Variants in NOX4 observed in about 807,000 individuals in gnomAD.
NOX4 encodes NADPH oxidase 4, also known as kidney oxidase-1.
In NOX4, 69 loss-of-function variants were observed where a neutral mutation model predicts 87.6. That is an observed-to-expected ratio of 0.79 (90% CI 0.65 to 0.96). The LOEUF (loss-of-function observed/expected upper bound fraction) is 0.96, where lower values mean the gene tolerates loss of function less well. Ranked by LOEUF, NOX4 falls within the 40% of genes least tolerant of loss-of-function variation. The pLI, the probability that NOX4 is intolerant of heterozygous loss-of-function variation, is 0.00. For synonymous variants in NOX4, 275 were observed against 238.2 expected (o/e 1.15, Z -1.42); for missense variants, 680 against 681.5 (o/e 1.00, Z 0.02).
chr11:89,580,456 G>A, the NOX4 span, among the ~76,000 whole-genome samples: 1 of 152,136 alleles, frequency 6.6e-6, no homozygotes, highest in Non-Finnish European at 1.5e-5. Flanking sequence ...TGCAAGTATT[G>A]CATGAGTGAG....
intron 12 of NOX4, among the ~76,000 whole-genome samples, chr11:89,360,731 C>G (rs1421142807): frequency 6.6e-6 from 1 of 151,862 alleles, no homozygotes; most frequent in Admixed American, 6.6e-5. Flanking sequence ...CCAGAATCTA[C>G]AAGGAATTAA....
chr11:89,587,706 G>A, the NOX4 span, among the ~76,000 whole-genome samples: 1 of 151,926 alleles, frequency 6.6e-6, no homozygotes. Flanking sequence ...AGTTAAAAAT[G>A]GTTTATGTGT....
chr11:89,362,095 T>TC (rs1310377668), intron 12 of NOX4, among the ~76,000 whole-genome samples: 7 of 151,828 alleles, frequency 4.6e-5, no homozygotes, highest in African/African-American at 1.7e-4. Context: ...AATTCTTCCT[T>TC]CCCCCAAACC....
chr11:89,511,176 A>G, the NOX4 span, among the ~76,000 whole-genome samples: 2 of 152,022 alleles, frequency 1.3e-5, no homozygotes, highest in Non-Finnish European at 2.9e-5. Context: ...TGATCTATGC[A>G]TACATCATTA....
At chr11:89,368,250 G>C (rs1939165286) in intron 12 of NOX4, among the ~76,000 whole-genome samples, 1 of 151,884 alleles carries the variant, frequency 6.6e-6, no homozygotes, top group Non-Finnish European at 1.5e-5. Context: ...AAACTTCTTA[G>C]AATTTGTCCA....
chr11:89,404,396 T>G lies in NOX4; in HGVS notation c.630-1854A>C, dbSNP rs542792224. On this transcript the variant is annotated intron_variant, in intron 8 of 17. Coordinates refer to ENST00000263317, the MANE Select transcript of NOX4 (RefSeq NM_016931.5). ...TTCTTCAGACTTCAACAGAGTCAAA[T>G]CCGCCTCCTAACACTCCAGAAACTC... Among the ~76,000 whole-genome samples the G allele has an allele frequency of 1.7e-4, 26 of 152,210 alleles. No individual in the cohort carries two copies. The East Asian group carries it at 5.0e-3, about 29-fold the overall frequency.
intron 13 of NOX4, among the ~76,000 whole-genome samples, chr11:89,350,291 A>T (rs1434043310): frequency 1.3e-5 from 2 of 152,206 alleles, no homozygotes; most frequent in Admixed American, 6.5e-5. Context: ...TCCTTTAAAC[A>T]TATACATACA....
In NOX4 at chr11:89,428,812, A is replaced by T. The variant is rs184521128; in HGVS notation, c.548+3972T>A. Among the ~76,000 whole-genome samples the T allele has an allele frequency of 7.6e-4, 116 of 152,336 alleles. No homozygotes were observed. In the East Asian group the frequency reaches 0.022, roughly 29 times the overall value. ...TCAACATTAGACAGATCAACGAGAC[A>T]GAAAGTTAACAAGGATATCCAGGAA... On this transcript the variant is annotated intron_variant, in intron 7 of 17. Transcript: ENST00000263317.
chr11:89,373,027 C>T (rs866731829), intron 12 of NOX4, among the ~76,000 whole-genome samples: 2 of 151,676 alleles, frequency 1.3e-5, no homozygotes, highest in Middle Eastern at 3.2e-3. Context: ...TGGAACACCA[C>T]AAAAAATGTC....
intron 2 of NOX4, among the ~76,000 whole-genome samples, chr11:89,464,244 C>T (rs1945586008): frequency 6.6e-6 from 1 of 152,062 alleles, no homozygotes; most frequent in South Asian, 2.1e-4. Context: ...ATAAATAGAG[C>T]TTATTTTAAC....
chr11:89,382,779 T>G (rs540364783), intron 11 of NOX4, among the ~76,000 whole-genome samples: 10 of 152,052 alleles, frequency 6.6e-5, no homozygotes, highest in African/African-American at 2.4e-4. Flanking sequence ...TGACTAGCCC[T>G]CCCCCACCTG....
chr11:89,402,510 G>A lies in NOX4; in HGVS notation c.662C>T (p.Thr221Ile), dbSNP rs2135188161. ...GLLKYQTNLDTHPPGCISLNR... is the reference protein window; with the variant it reads ...GLLKYQTNLDIHPPGCISLNR... ...AAGACTGATGCAGCCGGGAGGGTGG[G>A]TATCTAAATTAGTTTGATACTTCAG... The change falls in exon 9 of 18, where the codon ACC (threonine) becomes ATC (isoleucine). Residue 221 changes from threonine (T) to isoleucine (I), a missense_variant. By Grantham distance (89) the Thr-to-Ile change is moderately conservative (BLOSUM62 -1). Transcript: ENST00000263317. The A allele has an allele frequency of 6.2e-7, 1 of 1,610,926 alleles. No individual in the cohort carries two copies. The highest frequency in any genetic ancestry group is 8.5e-7 in the Non-Finnish European group (1 of 1,178,926).
the NOX4 span, among the ~76,000 whole-genome samples, chr11:89,516,082 T>C: frequency 3.3e-5 from 5 of 152,062 alleles, no homozygotes; most frequent in Admixed American, 6.6e-5. Context: ...GCATCTCTAA[T>C]GTTCTTTATT....
intron 11 of NOX4, among the ~76,000 whole-genome samples, chr11:89,374,269 G>T (rs897724798): frequency 6.6e-6 from 1 of 151,986 alleles, no homozygotes; most frequent in African/African-American, 2.4e-5. Context: ...TTAATGGGAG[G>T]CTAATATTTC....
the NOX4 span, among the ~76,000 whole-genome samples, chr11:89,528,942 T>C: frequency 1.3e-5 from 2 of 152,174 alleles, no homozygotes; most frequent in Non-Finnish European, 2.9e-5. Flanking sequence ...TAAGCAACAA[T>C]TCTCACAAGT....
the NOX4 span, among the ~76,000 whole-genome samples, chr11:89,522,323 T>C: frequency 1.3e-5 from 2 of 152,134 alleles, no homozygotes; most frequent in Admixed American, 6.6e-5. Context: ...CATCAAATAC[T>C]ATGCAGCCAT....
the NOX4 span, among the ~76,000 whole-genome samples, chr11:89,587,888 G>A: frequency 6.6e-6 from 1 of 152,042 alleles, no homozygotes; most frequent in African/African-American, 2.4e-5. Flanking sequence ...TTTTCAATAT[G>A]ACTTAAGATG....
the NOX4 span, among the ~76,000 whole-genome samples, chr11:89,534,386 C>T: frequency 3.9e-5 from 6 of 152,186 alleles, no homozygotes; most frequent in Admixed American, 3.9e-4. Flanking sequence ...TTTCTCTCTA[C>T]CTGGTTGGCA....
chr11:89,366,994 C>T (rs572952037), intron 12 of NOX4, among the ~76,000 whole-genome samples: 1 of 152,052 alleles, frequency 6.6e-6, no homozygotes, highest in Non-Finnish European at 1.5e-5. Context: ...ATATAATGTG[C>T]CTCTCATTTT....
Sources: gnomAD v4.1 joint callset for allele counts (sites outside exome capture counted in the v4.1 genomes callset) on GRCh38, gnomAD v4.1.1 for gene constraint, MANE v1.5 for transcripts, NCBI Gene and HGNC (gene_info 2026-07-23, HGNC 2026-07-21) for gene names.